Variants in SLC24A4 observed in about 807,000 individuals in gnomAD.
SLC24A4 encodes solute carrier family 24 member 4, also known as sodium/potassium/calcium exchanger 4.
Under a neutral mutation model 79.0 loss-of-function variants are expected in SLC24A4, and 53 were observed. That is an observed-to-expected ratio of 0.67 (90% CI 0.54 to 0.84). The LOEUF is 0.84. SLC24A4 is among the 40% of genes least tolerant of loss of function. The probability of loss-of-function intolerance (pLI) is 0.00; values close to 1 mark genes in which losing one functional copy is unlikely to be tolerated. For synonymous variants in SLC24A4, 323 were observed against 323.8 expected, an observed-to-expected ratio of 1.00 and a Z score of 0.03; for missense variants, 731 against 822.0, an observed-to-expected ratio of 0.89 and a Z score of 1.35.
chr14:92,422,548 G>GACAGTGTTTCCTGGGCTCATT (rs1169545857), intron 2 of SLC24A4, among the ~76,000 whole-genome samples: 1 of 152,226 alleles, frequency 6.6e-6, no homozygotes, highest in Non-Finnish European at 1.5e-5. Flanking sequence ...TGGGGCTAAT[G>GACAGTGTTTCCTGGGCTCATT]ACAGTGTTTC....
chr14:92,345,764 T>C (rs1886491770), intron 2 of SLC24A4, among the ~76,000 whole-genome samples: 2 of 151,846 alleles, frequency 1.3e-5, no homozygotes, highest in Admixed American at 1.3e-4. Context: ...GCTGGTGTTC[T>C]GAGAGGGTGA....
At chr14:92,361,726 T>C (rs984568221) in intron 2 of SLC24A4, among the ~76,000 whole-genome samples, 8 of 152,110 alleles carry the variant, frequency 5.3e-5, no homozygotes, top group African/African-American at 1.7e-4. Flanking sequence ...AGAGGTGCGA[T>C]GTCTCGACTT....
At chr14:92,416,739 A>G (rs1028428247) in intron 2 of SLC24A4, among the ~76,000 whole-genome samples, 1 of 152,252 alleles carries the variant, frequency 6.6e-6, no homozygotes, top group Non-Finnish European at 1.5e-5. Context: ...ATTTTCCACA[A>G]GCTCACAAAG....
intron 4 of SLC24A4, among the ~76,000 whole-genome samples, chr14:92,439,624 A>T (rs1402914903): frequency 1.3e-5 from 2 of 152,224 alleles, no homozygotes; most frequent in Non-Finnish European, 2.9e-5. Flanking sequence ...GGCAGAAAAA[A>T]ACACTCCCAG....
intron 2 of SLC24A4, among the ~76,000 whole-genome samples, chr14:92,409,566 A>G (rs1890594836): frequency 6.6e-6 from 1 of 152,214 alleles, no homozygotes; most frequent in East Asian, 1.9e-4. Context: ...GGACGTGCCC[A>G]TGTCACCAGC....
chr14:92,466,282 C>G (rs1461117704), intron 12 of SLC24A4, among the ~76,000 whole-genome samples: 1 of 152,238 alleles, frequency 6.6e-6, no homozygotes, highest in Non-Finnish European at 1.5e-5. Flanking sequence ...AGTGCTGACT[C>G]TGCACCAAGC....
At chr14:92,380,949 G>A (rs1888811171) in intron 2 of SLC24A4, among the ~76,000 whole-genome samples, 1 of 152,204 alleles carries the variant, frequency 6.6e-6, no homozygotes, top group Non-Finnish European at 1.5e-5. Context: ...GGCCTGCTGT[G>A]AGGGTTCAGG....
intron 2 of SLC24A4, among the ~76,000 whole-genome samples, chr14:92,419,145 T>C (rs1891146625): frequency 6.6e-6 from 1 of 152,196 alleles, no homozygotes; most frequent in African/African-American, 2.4e-5. Context: ...CCCCTGGATT[T>C]ATGTTTGATT....
intron 2 of SLC24A4, among the ~76,000 whole-genome samples, chr14:92,333,640 C>T (rs75830503): frequency 0.09 from 13,648 of 152,220 alleles, 668 homozygotes; most frequent in African/African-American, 0.1. Context: ...CTGGGAGAAG[C>T]GGGCTGATGC....
chr14:92,474,642 G>A (rs1045626640), intron 12 of SLC24A4, among the ~76,000 whole-genome samples: 2 of 140,698 alleles, frequency 1.4e-5, no homozygotes, highest in South Asian at 2.3e-4. Flanking sequence ...CCACCACAAC[G>A]CCCAGCTAAT....
chr14:92,470,634 G>A (rs4904924), intron 12 of SLC24A4, among the ~76,000 whole-genome samples: 105,526 of 151,718 alleles, frequency 0.7, 37,995 homozygotes, highest in Non-Finnish European at 0.79. Flanking sequence ...TGATGTTTGC[G>A]TGTCAATCGG....
At chr14:92,409,703 T>G (rs537303151) in intron 2 of SLC24A4, among the ~76,000 whole-genome samples, 6 of 151,596 alleles carry the variant, frequency 4.0e-5, no homozygotes, top group East Asian at 1.9e-4. Flanking sequence ...GATTGTTTGG[T>G]TTTTTTTTAA....
intron 2 of SLC24A4, among the ~76,000 whole-genome samples, chr14:92,347,695 G>T (rs1214784638): frequency 6.6e-6 from 1 of 152,136 alleles, no homozygotes; most frequent in African/African-American, 2.4e-5. Flanking sequence ...TTGGGAGGGC[G>T]AGGTGGGTGA....
At chr14:92,483,275 C>G (rs1387633071) in intron 13 of SLC24A4, among the ~76,000 whole-genome samples, 2 of 152,274 alleles carry the variant, frequency 1.3e-5, no homozygotes, top group East Asian at 3.9e-4. Flanking sequence ...TGCTCCTCCC[C>G]CCACTGATGT....
chr14:92,345,235 G>C (rs1024764833), intron 2 of SLC24A4, among the ~76,000 whole-genome samples: 1 of 152,206 alleles, frequency 6.6e-6, no homozygotes, highest in Non-Finnish European at 1.5e-5. Flanking sequence ...GTGGTTAAGA[G>C]TGTAAGCTCT....
At chr14:92,420,670 C>T (rs1354518109) in intron 2 of SLC24A4, among the ~76,000 whole-genome samples, 1 of 152,160 alleles carries the variant, frequency 6.6e-6, no homozygotes, top group Admixed American at 6.5e-5. Context: ...GGACCTTTCA[C>T]AGGCTACTGG....
intron 2 of SLC24A4, among the ~76,000 whole-genome samples, chr14:92,388,431 G>A (rs2141728508): frequency 6.6e-6 from 1 of 152,132 alleles, no homozygotes; most frequent in East Asian, 1.9e-4. Flanking sequence ...TCCTTGCCAC[G>A]TCCTCTGTGG....
intron 6 of SLC24A4, among the ~76,000 whole-genome samples, chr14:92,443,058 G>A (rs982645157): frequency 2.6e-5 from 4 of 152,174 alleles, no homozygotes; most frequent in Non-Finnish European, 5.9e-5. Context: ...TCAGAGAGGC[G>A]GGCTCATGAG....
chr14:92,440,853 GAGGGAAGGGA>G (rs542463010), intron 4 of SLC24A4, among the ~76,000 whole-genome samples: 15 of 151,262 alleles, frequency 9.9e-5, no homozygotes, highest in African/African-American at 2.9e-4. Context: ...AGCAAGCAGA[GAGGGAAGGGA>G]AGGGAAGGGA....
Sources: allele counts gnomAD v4.1 joint callset (sites outside exome capture counted in the v4.1 genomes callset), GRCh38; gene constraint gnomAD v4.1.1; transcripts MANE v1.5; gene names NCBI Gene and HGNC (gene_info 2026-07-23, HGNC 2026-07-21).